The following MADD variants were observed in gnomAD, a reference collection of about 807,000 sequenced individuals.
The protein encoded by MADD is MAP kinase-activating death domain protein.
In MADD, 109 loss-of-function variants were observed where a neutral mutation model predicts 176.7. The observed-to-expected ratio is 0.62, with a 90% CI of 0.53 to 0.72. The LOEUF (loss-of-function observed/expected upper bound fraction) is 0.72. Ranked by LOEUF, MADD falls within the 30% of genes least tolerant of loss-of-function variation. The probability of loss-of-function intolerance (pLI) is 0.00; values close to 1 mark genes in which losing one functional copy is unlikely to be tolerated. For missense variants in MADD, 1,914 were observed against 2,045.5 expected (o/e 0.94, Z 1.24); for synonymous variants, 771 against 771.3 (o/e 1.00, Z 0.01).
At chr11:47,326,702 G>A (rs1394178580) in intron 30 of MADD, 36 bp from the exon 35 acceptor site, 1 of 1,608,242 alleles carries the variant, frequency 6.2e-7, no homozygotes, top group African/African-American at 1.3e-5. Flanking sequence ...GGTGGAGCCT[G>A]TGGGCCTTAC....
rs767232312 is a variant in MADD, at chr11:47,323,636, C to G, written c.4198-35C>G. 3.7e-6 allele frequency: 6 copies of G among 1,604,386 alleles called. No individual in the cohort carries two copies. In the South Asian group the frequency reaches 4.4e-5, roughly 12 times the overall value. On this transcript the variant is annotated intron_variant, in intron 27 of 32. Transcript: ENST00000402192. ...CAGTCTAGGGAGAGGCTGTCAGAGA[C>G]AGGAACCACTGAGCCGCTTTGTGCA...
chr11:47,311,635 C>G, intron 25 of MADD, 97 bp from the exon 29 acceptor site: 2 of 755,796 alleles, frequency 2.6e-6, no homozygotes, highest in East Asian at 2.5e-5. Context: ...TTCCACTTCT[C>G]TCAGATGGTG....
At chr11:47,315,364 T>C in intron 27 of MADD, 37 bp downstream of exon 30, 1 of 1,302,886 alleles carries the variant, frequency 7.7e-7, no homozygotes, top group Non-Finnish European at 1.1e-6. Context: ...CAAAGGGCTA[T>C]TGAGAGTCAC....
chr11:47,292,568 G>A, intron 19 of MADD: 1 of 1,613,890 alleles, frequency 6.2e-7, no homozygotes, highest in Admixed American at 1.7e-5. Flanking sequence ...ACCAGGAAGT[G>A]AAAAAGCAAA....
chr11:47,325,020 T>C lies in MADD; in HGVS notation c.4542+443T>C. ...GCTTGCGTGTGCGTGCGTGCGTGCC[T>C]GCGTGCTTGTGTGTAAGTAGCTTGT... On this transcript the variant is annotated intron_variant, in intron 30 of 32. Coordinates refer to ENST00000402192, the Ensembl canonical transcript of MADD. The surrounding 1 kb of genome is among the most constrained non-coding windows in gnomAD (Gnocchi z 4.5). 1 of 519,954 alleles carries C rather than the reference T, an allele frequency of 1.9e-6. No individual in the cohort carries two copies. The highest frequency in any genetic ancestry group is 3.4e-5 in the East Asian group (1 of 29,546). The allele number at this position is 519,954 out of a possible 1,614,324, so 32.2% of individuals were successfully genotyped here. A position where few individuals can be genotyped will look rare whatever the true frequency, so the allele number is the denominator to read the frequency against.
exon 18 of MADD, chr11:47,290,297 A>C (rs2064022651): frequency 6.2e-7 from 1 of 1,613,892 alleles, no homozygotes; most frequent in Non-Finnish European, 8.5e-7. Context: ...TACTATAGTA[A>C]AGGTAGGGAT....
exon 15 of MADD, chr11:47,286,486 C>T (rs1190117769): frequency 6.2e-7 from 1 of 1,614,178 alleles, no homozygotes. Flanking sequence ...CCTCACACTG[C>T]CCACCAAAGG....
At chr11:47,282,440 C>T (rs774774277) in exon 9 of MADD, 21 of 1,614,092 alleles carry the variant, frequency 1.3e-5, no homozygotes, top group East Asian at 6.7e-5. Flanking sequence ...CAGATGCACA[C>T]GCGTACCCTG....
chr11:47,296,755 T>C (rs1027179795), intron 22 of MADD, among the ~76,000 whole-genome samples: 1 of 144,088 alleles, frequency 6.9e-6, no homozygotes, highest in South Asian at 2.3e-4. Flanking sequence ...TAGACATCTG[T>C]TTTTTGTTGT....
At chr11:47,291,296 C>T (rs1182980117) in intron 19 of MADD, among the ~76,000 whole-genome samples, 1 of 152,168 alleles carries the variant, frequency 6.6e-6, no homozygotes, top group African/African-American at 2.4e-5. Flanking sequence ...TCCCTGGGTT[C>T]TGGATCTTTG....
chr11:47,314,050 G>A (rs931195670), intron 26 of MADD, among the ~76,000 whole-genome samples: 7 of 151,896 alleles, frequency 4.6e-5, no homozygotes, highest in South Asian at 2.1e-4. Context: ...GAGCCACCGC[G>A]CCCAGCCAAG....
At chr11:47,288,865 A>G in intron 15 of MADD, 103 bp from the exon 16 acceptor site, 1 of 885,020 alleles carries the variant, frequency 1.1e-6, no homozygotes, top group Non-Finnish European at 1.8e-6. Context: ...GCATTCCTCA[A>G]GCTTTGGGAG....
intron 3 of MADD, 90 bp downstream of exon 3, chr11:47,275,249 C>A: frequency 9.0e-7 from 1 of 1,112,114 alleles, no homozygotes; most frequent in Non-Finnish European, 1.3e-6. Flanking sequence ...TCCTCTACAG[C>A]TCAAGGTCCT....
intron 15 of MADD, among the ~76,000 whole-genome samples, chr11:47,288,355 G>A (rs558278294): frequency 6.6e-6 from 1 of 152,186 alleles, no homozygotes; most frequent in Non-Finnish European, 1.5e-5. Context: ...GTGAGGATGG[G>A]AACATTGGAT....
At chr11:47,272,421 AGTGT>A (rs915258573) in intron 1 of MADD, 4 of 152,080 alleles carry the variant, frequency 2.6e-5, no homozygotes, top group Non-Finnish European at 2.9e-5. Context: ...GCATCCAGGG[AGTGT>A]GTATGTCTGT....
chr11:47,273,370 A>G (rs890737192), intron 1 of MADD, among the ~76,000 whole-genome samples: 2 of 150,932 alleles, frequency 1.3e-5, no homozygotes. Flanking sequence ...ACGGAGTCTC[A>G]CTCTGTCACC....
chr11:47,316,744 C>T (rs1466520646), intron 27 of MADD, among the ~76,000 whole-genome samples: 1 of 151,602 alleles, frequency 6.6e-6, no homozygotes, highest in African/African-American at 2.4e-5. Context: ...TTATTTTCCT[C>T]CTTTCTTTTT....
At chr11:47,298,570 T>C (rs972238279) in intron 22 of MADD, among the ~76,000 whole-genome samples, 1 of 152,238 alleles carries the variant, frequency 6.6e-6, no homozygotes, top group Non-Finnish European at 1.5e-5. Flanking sequence ...TTCTTGTATA[T>C]TCTGGCTATT....
intron 15 of MADD, 131 bp downstream of exon 16, chr11:47,289,158 C>T (rs1268003136): frequency 1.5e-5 from 15 of 986,652 alleles, no homozygotes; most frequent in Non-Finnish European, 2.1e-5. Context: ...TCCCCCGTGA[C>T]GCCCATGCTT....
Sources: gnomAD v4.1 joint callset for allele counts (sites outside exome capture counted in the v4.1 genomes callset) on GRCh38, gnomAD v4.1.1 for gene constraint, Gnocchi (gnomAD v3.1) non-coding constraint, MANE v1.5 for transcripts, NCBI Gene and HGNC (gene_info 2026-07-23, HGNC 2026-07-21) for gene names.